KIAA0232: variants seen among roughly 807,000 people sequenced by gnomAD.
KIAA0232 encodes the protein uncharacterized protein KIAA0232.
Under a neutral mutation model 122.0 loss-of-function variants are expected in KIAA0232, and 27 were observed. That is an observed-to-expected ratio of 0.22 (90% confidence interval 0.16 to 0.31). The LOEUF (loss-of-function observed/expected upper bound fraction) is 0.31. KIAA0232 is among the 10% of genes least tolerant of loss of function. The probability of loss-of-function intolerance (pLI) is 1.00; values close to 1 mark genes in which losing one functional copy is unlikely to be tolerated. For synonymous variants in KIAA0232, 613 were observed against 587.6 expected, an observed-to-expected ratio of 1.04 and a Z score of -0.63; for missense variants, 1,551 against 1,634.2, an observed-to-expected ratio of 0.95 and a Z score of 0.88.
rs752428517 is a variant in KIAA0232, at chr4:6,800,043, C to CTTTTTTTTTTTTTTTTTTTTTTTTT, written c.-353-4472_-353-4448dup. On this transcript the variant is annotated intron_variant, in intron 1 of 9. Transcript: ENST00000307659. ...TTTCTTTTTCTTTCTTTCTTTCTTT[C>CTTTTTTTTTTTTTTTTTTTTTTTTT]TTTTTTTTTTTTTTTTTTTTTTTTT... Among the ~76,000 whole-genome samples, 15 of 60,036 alleles carry CTTTTTTTTTTTTTTTTTTTTTTTTT rather than the reference C, an allele frequency of 2.5e-4. 2 individuals carry two copies. The highest frequency in any genetic ancestry group is 3.6e-4 in the Non-Finnish European group (10 of 28,098). 39.4% of individuals were successfully genotyped at this position (60,036 alleles called of 152,430 possible).
chr4:6,785,205 G>A (rs1716564927), intron 1 of KIAA0232, among the ~76,000 whole-genome samples: 1 of 152,142 alleles, frequency 6.6e-6, no homozygotes. Context: ...CCAAAGTGCT[G>A]GGATTACAGG....
intron 2 of KIAA0232, among the ~76,000 whole-genome samples, chr4:6,805,646 A>G (rs962377038): frequency 3.9e-5 from 6 of 152,304 alleles, no homozygotes; most frequent in Non-Finnish European, 8.8e-5. Context: ...ATATGCCCAG[A>G]CATTTTGAGG....
intron 2 of KIAA0232, among the ~76,000 whole-genome samples, chr4:6,814,687 C>G (rs1253417496): frequency 3.9e-5 from 6 of 152,006 alleles, no homozygotes; most frequent in Admixed American, 1.3e-4. Flanking sequence ...AACAATGACC[C>G]TGGGAAGCTG....
chr4:6,831,306 G>A (rs548824605), intron 3 of KIAA0232, among the ~76,000 whole-genome samples: 5 of 152,016 alleles, frequency 3.3e-5, no homozygotes, highest in South Asian at 2.1e-4. Context: ...CGCCCGCCTC[G>A]GCCTCCCAAA....
chr4:6,871,678 T>G lies in KIAA0232; in HGVS notation c.3906T>G (p.Cys1302Trp). 1 of 1,583,702 alleles carries G rather than the reference T, an allele frequency of 6.3e-7. No homozygotes were observed. Among genetic ancestry groups the G allele is most frequent in the South Asian group, 1.1e-5 (1 of 89,434 alleles). The change falls in exon 8 of 10, where the codon TGT becomes TGG. Residue 1302 changes from cysteine (C) to tryptophan (W), a missense_variant. Around this residue, in one of 5 missense-constraint regions of KIAA0232, gnomAD observed 1,108 missense variants for 1,154.8 expected, o/e 0.96. Transcript: ENST00000307659. ...CTCCTCTTTTTCCTGCATCAGAGTG[T>G]GAAGGTAAGGAGACCTTTGTTAGTT... is the stretch of plus-strand genomic sequence containing the variant. ...LYSPLFPASE[C>W]EECYTNAKGE...
At chr4:6,811,536 G>A (rs1444317004) in intron 2 of KIAA0232, among the ~76,000 whole-genome samples, 14 of 152,096 alleles carry the variant, frequency 9.2e-5, no homozygotes, top group Non-Finnish European at 1.5e-5. Flanking sequence ...TCTGCCTCCC[G>A]AGCTCCAGTG....
chr4:6,870,919 A>G (rs1721445779), intron 7 of KIAA0232, among the ~76,000 whole-genome samples: 1 of 152,218 alleles, frequency 6.6e-6, no homozygotes, highest in Admixed American at 6.5e-5. Context: ...TCATGCCAGT[A>G]AAGGCTCAGG....
At chr4:6,868,889 A>G (rs1577415217) in intron 7 of KIAA0232, among the ~76,000 whole-genome samples, 1 of 152,104 alleles carries the variant, frequency 6.6e-6, no homozygotes, top group Non-Finnish European at 1.5e-5. Flanking sequence ...CAGAAAAAAG[A>G]CTCCCAAATT....
chr4:6,802,423 A>G (rs1320585903), intron 1 of KIAA0232, among the ~76,000 whole-genome samples: 2 of 152,174 alleles, frequency 1.3e-5, no homozygotes, highest in African/African-American at 4.8e-5. Flanking sequence ...ACAGCGTGCC[A>G]TGGTTGGACA....
rs34653815 is a variant in KIAA0232, at chr4:6,871,963, C to A, written c.3910+281C>A. Among the ~76,000 whole-genome samples the A allele has an allele frequency of 8.5e-3, 1,296 of 152,290 alleles. 18 individuals carry two copies. Among genetic ancestry groups the A allele is most frequent in the African/African-American group, 0.03 (1,243 of 41,542 alleles). The stretch of plus-strand genomic sequence containing the variant: ...CACCACTGAGTCACAGAGGAGGAAA[C>A]AGCGGGCAGTCCCTGTGAAGAGAGT... On this transcript the variant is annotated intron_variant, in intron 8 of 9. Coordinates refer to ENST00000307659, the MANE Select transcript of KIAA0232 (RefSeq NM_014743.3).
At chr4:6,868,326 G>T (rs930053663) in intron 7 of KIAA0232, among the ~76,000 whole-genome samples, 1 of 152,180 alleles carries the variant, frequency 6.6e-6, no homozygotes, top group East Asian at 1.9e-4. Context: ...TATTCTTGGT[G>T]CTGGGAATAA....
chr4:6,797,871 A>G (rs989874484), intron 1 of KIAA0232, among the ~76,000 whole-genome samples: 1 of 151,962 alleles, frequency 6.6e-6, no homozygotes, highest in African/African-American at 2.4e-5. Context: ...AGAGATCGAG[A>G]CCACGGTGAA....
At chr4:6,795,717 T>A (rs1430071179) in intron 1 of KIAA0232, among the ~76,000 whole-genome samples, 1 of 152,196 alleles carries the variant, frequency 6.6e-6, no homozygotes, top group Non-Finnish European at 1.5e-5. Context: ...TTCAGCCTCC[T>A]GAGTAGCTGG....
At chr4:6,860,848 G>C in intron 6 of KIAA0232, 53 bp from the exon 7 acceptor site, 1 of 1,483,184 alleles carries the variant, frequency 6.7e-7, no homozygotes, top group African/African-American at 1.4e-5. Flanking sequence ...TTGTTTTACT[G>C]TATCTAAAAA....
chr4:6,869,893 C>G (rs1200179224), intron 7 of KIAA0232, among the ~76,000 whole-genome samples: 1 of 152,214 alleles, frequency 6.6e-6, no homozygotes, highest in Non-Finnish European at 1.5e-5. Flanking sequence ...AGTGAAATGT[C>G]TTTTAAAACA....
intron 3 of KIAA0232, among the ~76,000 whole-genome samples, chr4:6,830,763 C>CA (rs1421209283): frequency 6.6e-6 from 1 of 152,072 alleles, no homozygotes; most frequent in Non-Finnish European, 1.5e-5. Flanking sequence ...CTCAGACTTA[C>CA]ACCCTTTTTT....
intron 3 of KIAA0232, among the ~76,000 whole-genome samples, chr4:6,837,425 C>A (rs1179620634): frequency 6.8e-6 from 1 of 147,656 alleles, no homozygotes; most frequent in Non-Finnish European, 1.5e-5. Context: ...TCCTCACTTC[C>A]CAGGCTGGGC....
chr4:6,861,624 G>A lies in KIAA0232; in HGVS notation c.1242G>A (p.Leu414=), dbSNP rs1339585599. Residue 414 remains leucine (L), a synonymous_variant, in exon 7 of 10, where the codon CTG becomes CTA. Coordinates refer to ENST00000307659, the MANE Select transcript of KIAA0232 (RefSeq NM_014743.3). The part of the protein sequence containing the change: ...TEPIAEYFVP[L]SRKSKLETTY... ...CAATTGCTGAATATTTTGTTCCTCT[G>A]AGCAGAAAAAGTAAACTAGAGACCA... 6.2e-7 allele frequency: 1 copy of A among 1,613,874 alleles called. No homozygotes were observed. Among genetic ancestry groups the A allele is most frequent in the Admixed American group, 1.7e-5 (1 of 59,986 alleles).
intron 7 of KIAA0232, among the ~76,000 whole-genome samples, chr4:6,864,419 G>A (rs904023497): frequency 6.6e-6 from 1 of 152,178 alleles, no homozygotes; most frequent in Admixed American, 6.5e-5. Flanking sequence ...ATCACAGGAT[G>A]TAAGATTCCT....
Sources: allele counts gnomAD v4.1 joint callset (sites outside exome capture counted in the v4.1 genomes callset), GRCh38; gene constraint gnomAD v4.1.1; regional missense constraint gnomAD v4.1.1; transcripts MANE v1.5; gene names NCBI Gene and HGNC (gene_info 2026-07-23, HGNC 2026-07-21).